GRIP2: variants seen among roughly 807,000 people sequenced by gnomAD.
GRIP2 encodes the protein glutamate receptor-interacting protein 2.
GRIP2 carries 58 observed loss-of-function variants against 108.3 expected under a neutral mutation model. The ratio of observed to expected loss-of-function variants is 0.54; its 90% CI spans 0.43 to 0.67. The LOEUF is 0.67. Ranked by LOEUF, GRIP2 falls within the 30% of genes least tolerant of loss-of-function variation. GRIP2 has a pLI of 0.00. For missense variants in GRIP2, 1,278 were observed against 1,430.6 expected (o/e 0.89, Z 1.72); for synonymous variants, 586 against 598.2 (o/e 0.98, Z 0.30).
chr3:14,551,515 G>C (rs1264677138), intron 1 of GRIP2, among the ~76,000 whole-genome samples: 1 of 152,210 alleles, frequency 6.6e-6, no homozygotes, highest in African/African-American at 2.4e-5. Flanking sequence ...GCCAGGCGGA[G>C]AGCGGGAGGA....
At chr3:14,504,898 G>A (rs558887455) in intron 20 of GRIP2, among the ~76,000 whole-genome samples, 4 of 151,656 alleles carry the variant, frequency 2.6e-5, no homozygotes, top group Admixed American at 1.3e-4. Context: ...GGGGTGCCAC[G>A]CAGTAGAGAT....
chr3:14,501,837 T>C (rs1332618629), intron 21 of GRIP2, among the ~76,000 whole-genome samples: 1 of 152,142 alleles, frequency 6.6e-6, no homozygotes, highest in East Asian at 1.9e-4. Context: ...AAAAACTGAA[T>C]GTTGAAAGTA....
chr3:14,589,467 T>C, the GRIP2 span, among the ~76,000 whole-genome samples: 4 of 152,286 alleles, frequency 2.6e-5, no homozygotes, highest in South Asian at 6.2e-4. Flanking sequence ...TCTTCAAGGA[T>C]GTGTTTTGAG....
At chr3:14,592,243 G>T in the GRIP2 span, among the ~76,000 whole-genome samples, 23 of 152,328 alleles carry the variant, frequency 1.5e-4, no homozygotes, top group African/African-American at 5.3e-4. Flanking sequence ...AAGGATGACA[G>T]ATAGGACCAT....
chr3:14,536,712 T>C (rs1694843851), intron 1 of GRIP2, among the ~76,000 whole-genome samples: 1 of 152,212 alleles, frequency 6.6e-6, no homozygotes, highest in East Asian at 1.9e-4. Context: ...TTCTGGGTCC[T>C]GCTCTCCTGC....
At position 14,493,633 on chromosome 3, in the gene GRIP2, G is replaced by A; in HGVS notation, c.*32C>T. On this transcript the variant is annotated 3_prime_UTR_variant, in exon 24 of 24. Transcript: ENST00000621039. ...TCTGGGAGCCAGGATCTGCCTGGGT[G>A]GCCCCTTAGGAGTTCGGCCCACATG... 6.5e-7 allele frequency: 1 copy of A among 1,540,538 alleles called. No homozygotes were observed. The highest frequency in any genetic ancestry group is 8.8e-7 in the Non-Finnish European group (1 of 1,137,146).
At chr3:14,595,442 G>A in the GRIP2 span, among the ~76,000 whole-genome samples, 17 of 152,254 alleles carry the variant, frequency 1.1e-4, no homozygotes, top group East Asian at 3.9e-4. Flanking sequence ...GGTATGAGCC[G>A]CCTGCACTTT....
chr3:14,564,999 C>A, the GRIP2 span, among the ~76,000 whole-genome samples: 2 of 152,232 alleles, frequency 1.3e-5, no homozygotes, highest in African/African-American at 4.8e-5. Context: ...GCACCCCGAG[C>A]ACAAGGGGCA....
At chr3:14,519,974 C>CT in intron 9 of GRIP2, 136 bp downstream of exon 9, 2 of 860,150 alleles carry the variant, frequency 2.3e-6, no homozygotes, top group Non-Finnish European at 3.5e-6. Flanking sequence ...ATAATTTGAG[C>CT]TTCCCTGGGC....
At chr3:14,572,949 T>A in the GRIP2 span, 2 of 1,447,788 alleles carry the variant, frequency 1.4e-6, no homozygotes, top group Non-Finnish European at 1.9e-6. Flanking sequence ...AGGATAGAAG[T>A]AGAAGAGGAC....
In GRIP2 at chr3:14,522,992, C is replaced by T. The variant is rs370102189; in HGVS notation, c.566+8G>A. 65 of 1,613,218 alleles carry T rather than the reference C, an allele frequency of 4.0e-5. No homozygotes were observed. Among genetic ancestry groups the T allele is most frequent in the Middle Eastern group, 1.6e-4 (1 of 6,082 alleles). ...TGCAGTGTGTGGATTTCTTCTGCCT[C>T]GGCTCACCTGTCGGCAGGGCCACCG... On this transcript the variant is annotated splice_region_variant and intron_variant, in intron 6 of 23. Transcript: ENST00000621039. The surrounding 1 kb of genome is among the most constrained non-coding windows in gnomAD (Gnocchi z 4.3).
rs1192968017 is a variant in GRIP2 at position 14,514,431 on chromosome 3, T to G, written c.1354A>C (p.Thr452Pro). ...CAGAGCACGACCTCCGTGGTCTCCG[T>G]GTGCACAATCTGCCCGCCCGGCCCC... ...TVGPGGQIVH[T>P]ETTEVVLCGD... The change falls in exon 12 of 24, where the codon ACG becomes CCG. Residue 452 changes from threonine to proline, a missense_variant. Coordinates refer to ENST00000621039, the MANE Select transcript of GRIP2 (RefSeq NM_001080423.4). 1.3e-6 allele frequency: 2 copies of G among 1,577,966 alleles called. No homozygotes were observed. The highest frequency in any genetic ancestry group is 2.7e-5 in the African/African-American group (2 of 74,152).
chr3:14,513,937 C>T (rs1694173946), intron 12 of GRIP2, 127 bp from the exon 13 acceptor site: 2 of 1,119,878 alleles, frequency 1.8e-6, no homozygotes, highest in African/African-American at 1.6e-5. Context: ...TCAGCTCTGC[C>T]CTGGCCCACC....
Position 14,514,480 on chromosome 3 carries a change from TGTAGGACAG to T in GRIP2, c.1307-11_1307-3del. ...CCACCGTGCTGGAGGCTAGCGACAC[TGTAGGACAG>T]GTGGGCCCAGCATTCAGGTGAGCCG... On this transcript the variant is annotated splice_region_variant and splice_polypyrimidine_tract_variant and intron_variant, in intron 11 of 23. Coordinates refer to ENST00000621039, the MANE Select transcript of GRIP2 (RefSeq NM_001080423.4). 6.4e-7 allele frequency: 1 copy of T among 1,556,316 alleles called. No individual in the cohort carries two copies. The highest frequency in any genetic ancestry group is 8.7e-7 in the Non-Finnish European group (1 of 1,149,420).
chr3:14,598,490 G>GACGTTA, the GRIP2 span, among the ~76,000 whole-genome samples: 1 of 151,996 alleles, frequency 6.6e-6, no homozygotes, highest in African/African-American at 2.4e-5. Context: ...TAACTACGTT[G>GACGTTA]ACAGCCTTTT....
rs1489433979 is a variant in GRIP2, at chr3:14,511,341, G to A, written c.1788-31C>T. ...TGAGTCGGGGGCAGAGGGGATGGAA[G>A]GAGCCTGGTGCATGCAGGTGCCATA... is the stretch of plus-strand genomic sequence containing the variant. On this transcript the variant is annotated intron_variant, in intron 15 of 23. Coordinates refer to ENST00000621039, the MANE Select transcript of GRIP2 (RefSeq NM_001080423.4). The surrounding 1 kb of genome is among the most constrained non-coding windows in gnomAD (Gnocchi z 4.1). 1 of 1,613,966 alleles carries A rather than the reference G, an allele frequency of 6.2e-7. No individual in the cohort carries two copies. Among genetic ancestry groups the A allele is most frequent in the Non-Finnish European group, 8.5e-7 (1 of 1,179,864 alleles).
At chr3:14,573,530 G>A in the GRIP2 span, 2 of 1,489,162 alleles carry the variant, frequency 1.3e-6, no homozygotes, top group African/African-American at 2.8e-5. Flanking sequence ...GCACCTGAGA[G>A]CAGAGCATGG....
chr3:14,517,168 A>G lies in GRIP2; in HGVS notation c.1202T>C (p.Phe401Ser). The G allele has an allele frequency of 6.2e-7, 1 of 1,608,096 alleles. No homozygotes were observed. The highest frequency in any genetic ancestry group is 1.3e-5 in the African/African-American group (1 of 74,566). ...AAGGGTGCTGGGGTTGTTGCAGGAA[A>G]AGGCGTGGTTCAAGGTCGGCGAGGA... The part of the protein sequence containing the change: ...PFSSPTLNHA[F>S]SCNNPSTLPR... Residue 401 changes from phenylalanine (F) to serine (S), a missense_variant, in exon 11 of 24, where the codon TTT becomes TCT. Coordinates refer to ENST00000621039, the MANE Select transcript of GRIP2 (RefSeq NM_001080423.4).
intron 16 of GRIP2, among the ~76,000 whole-genome samples, chr3:14,510,233 G>A (rs922764446): frequency 6.7e-6 from 1 of 149,458 alleles, no homozygotes; most frequent in Non-Finnish European, 1.5e-5. Context: ...CCAGCAGGAA[G>A]CAAAGGGAAC....
Sources: gnomAD v4.1 joint callset for allele counts (sites outside exome capture counted in the v4.1 genomes callset) on GRCh38, gnomAD v4.1.1 for gene constraint, Gnocchi (gnomAD v3.1) non-coding constraint, MANE v1.5 for transcripts, NCBI Gene and HGNC (gene_info 2026-07-23, HGNC 2026-07-21) for gene names.